Variants in ZNF326 observed in about 807,000 individuals in gnomAD.
The protein encoded by ZNF326 is zinc finger protein 326, also known as DBIRD complex subunit ZNF326.
In ZNF326, 30 loss-of-function variants were observed where a neutral mutation model predicts 63.1. That is an observed-to-expected ratio of 0.48 (90% CI 0.36 to 0.64). ZNF326 has a LOEUF of 0.64. ZNF326 is among the 30% of genes least tolerant of loss of function. The probability of loss-of-function intolerance (pLI) is 0.00; values close to 1 mark genes in which losing one functional copy is unlikely to be tolerated. For synonymous variants in ZNF326, 194 were observed against 228.2 expected, an observed-to-expected ratio of 0.85 and a Z score of 1.35; for missense variants, 609 against 720.3, an observed-to-expected ratio of 0.85 and a Z score of 1.77.
chr1:90,007,704 A>C lies in ZNF326; in HGVS notation c.569A>C (p.Tyr190Ser), dbSNP rs772325997. The C allele has an allele frequency of 6.6e-7, 1 of 1,516,984 alleles. No individual in the cohort carries two copies. The highest frequency in any genetic ancestry group is 2.3e-5 in the Admixed American group (1 of 44,304). The allele number at this position is 1,516,984 out of a possible 1,614,324, so 94.0% of individuals were successfully genotyped here. The stretch of plus-strand genomic sequence containing the variant: ...GAAAGTACGTTTGGAAGCAGAAACT[A>C]TGATGCTTTTGGAGGACCATCAACA... ...YPESTFGSRN[Y>S]DAFGGPSTGR... The change falls in exon 5 of 12, where the codon TAT becomes TCT. Residue 190 changes from tyrosine (Y) to serine (S), a missense_variant. Coordinates refer to ENST00000340281, the MANE Select transcript of ZNF326 (RefSeq NM_182976.4). The surrounding 1 kb of genome is among the most constrained non-coding windows in gnomAD (Gnocchi z 4.9).
chr1:89,995,540 A>C (rs539493198), intron 1 of ZNF326, among the ~76,000 whole-genome samples: 52 of 152,332 alleles, frequency 3.4e-4, no homozygotes, highest in African/African-American at 1.2e-3. Context: ...TCCGGGCTGG[A>C]GCCCCAGACT....
In ZNF326 at chr1:90,005,157, G is replaced by T; in HGVS notation, c.122G>T (p.Gly41Val). Residue 41 changes from glycine (G) to valine (V), a missense_variant, in exon 4 of 12, where the codon GGA becomes GTA. Gly to Val is a moderately radical substitution (Grantham distance 109, BLOSUM62 -3). This residue lies in a region of ZNF326 where 97 missense variants were observed against 88.7 expected (regional missense o/e 1.09). Coordinates refer to ENST00000340281, the MANE Select transcript of ZNF326 (RefSeq NM_182976.4). ...GGGATGGATCGTGACTATGGCCATG[G>T]ATCCTATGGGGGTCAGAGATCCATG... ...YGGMDRDYGH[G>V]SYGGQRSMDS... is the part of the protein sequence containing the mutation. 6.2e-7 allele frequency: 1 copy of T among 1,613,926 alleles called. No homozygotes were observed. Among genetic ancestry groups the T allele is most frequent in the Non-Finnish European group, 8.5e-7 (1 of 1,179,946 alleles).
At chr1:90,014,332 A>G (rs959098918) in intron 7 of ZNF326, among the ~76,000 whole-genome samples, 13 of 152,330 alleles carry the variant, frequency 8.5e-5, no homozygotes, top group South Asian at 6.2e-4. Flanking sequence ...GAAATGATTA[A>G]TGTCCAAGTT....
chr1:90,022,777 A>T (rs567798108), intron 11 of ZNF326, among the ~76,000 whole-genome samples: 1 of 152,358 alleles, frequency 6.6e-6, no homozygotes, highest in African/African-American at 2.4e-5. Flanking sequence ...CACATGGCAT[A>T]GAACAGACTA....
chr1:90,027,522 G>A lies in ZNF326; in HGVS notation c.1570G>A (p.Val524Met). Residue 524 changes from valine to methionine, a missense_variant, in exon 12 of 12, where the codon GTG becomes ATG. Val to Met is a conservative substitution (Grantham distance 21). Transcript: ENST00000340281. ...AGAGGAAGTGGAAGAAGTAGAGGAA[G>A]TGAGAGAAGGAGGAATAGAGGGCGA... ...EVEEVEEVEE[V>M]REGGIEGEGN... The A allele has an allele frequency of 6.2e-7, 1 of 1,611,908 alleles. No homozygotes were observed.
chr1:90,019,363 T>C (rs1233826803), intron 9 of ZNF326, among the ~76,000 whole-genome samples: 1 of 152,212 alleles, frequency 6.6e-6, no homozygotes, highest in African/African-American at 2.4e-5. Flanking sequence ...TTAAGCTAAT[T>C]AAACAACTTT....
At chr1:89,998,081 A>T (rs572241019) in intron 1 of ZNF326, 29 bp from the exon 2 acceptor site, 104 of 1,602,936 alleles carry the variant, frequency 6.5e-5, no homozygotes, top group Admixed American at 8.6e-5. Flanking sequence ...TATCACACTA[A>T]TTCCTTTTTG....
rs765100274 is a variant in ZNF326, at chr1:90,020,877, A to G, written c.1260A>G (p.Ser420=). 1.2e-6 allele frequency: 2 copies of G among 1,613,248 alleles called. No individual in the cohort carries two copies. The highest frequency in any genetic ancestry group is 2.2e-5 in the South Asian group (2 of 91,026). Reference sequence around the variant, plus strand: ...TTTATATCCCTGCTTTACATAGTTCAGTTCAGCAGCACTTAAAATCTCCTG... The same window carrying G: ...TTTATATCCCTGCTTTACATAGTTCGGTTCAGCAGCACTTAAAATCTCCTG... ...CSVYIPALHS[S]VQQHLKSPDH... Residue 420 remains serine, a synonymous_variant, in exon 10 of 12, where the codon TCA becomes TCG. Transcript: ENST00000340281.
At position 90,013,141 on chromosome 1, in the gene ZNF326, A is replaced by G. The variant is rs1364680996; in HGVS notation, c.830A>G (p.Lys277Arg). The change falls in exon 7 of 12, where the codon AAA (lysine) becomes AGA (arginine). Residue 277 changes from lysine (K) to arginine (R), a missense_variant. Physicochemically the swap from Lys to Arg is conservative, Grantham distance 26 (BLOSUM62 2). Around this residue, in one of 3 missense-constraint regions of ZNF326, gnomAD observed 399 missense variants for 444.3 expected, o/e 0.90. Coordinates refer to ENST00000340281, the MANE Select transcript of ZNF326 (RefSeq NM_182976.4). ...AATATCCTAGCAAAAACTGATCCTA[A>G]AAATGAAGAGGAAGAAAAGCGGCGA... is the stretch of plus-strand genomic sequence containing the variant. ...LSKSPTKTDP[K>R]NEEEEKRRIE... 1.2e-6 allele frequency: 2 copies of G among 1,610,928 alleles called. No individual in the cohort carries two copies. The highest frequency in any genetic ancestry group is 2.7e-5 in the African/African-American group (2 of 74,648).
Position 89,995,140 on chromosome 1 carries a change from G to A in ZNF326, c.-118G>A. 2 of 1,297,144 alleles carry A rather than the reference G, an allele frequency of 1.5e-6. No individual in the cohort carries two copies. Among genetic ancestry groups the A allele is most frequent in the Non-Finnish European group, 2.1e-6 (2 of 950,250 alleles). 80.4% of individuals were successfully genotyped at this position (1,297,144 alleles called of 1,614,324 possible). ...CGCTGTGGCCTGCGGCTCCCGGGCT[G>A]GTAGCGCGCCGCTCTCGGTCGCGCG... On this transcript the variant is annotated 5_prime_UTR_variant, in exon 1 of 12. Transcript: ENST00000340281.
At chr1:90,001,678 T>A (rs1300302563) in intron 2 of ZNF326, among the ~76,000 whole-genome samples, 1 of 151,872 alleles carries the variant, frequency 6.6e-6, no homozygotes, top group Non-Finnish European at 1.5e-5. Context: ...CTCAGCCTCC[T>A]GAGTAGCTGG....
rs1180875269 is a variant in ZNF326 at position 90,007,757 on chromosome 1, A to G, written c.615+7A>G. 6.7e-7 allele frequency: 1 copy of G among 1,495,754 alleles called. No individual in the cohort carries two copies. Among genetic ancestry groups the G allele is most frequent in the Admixed American group, 2.3e-5 (1 of 42,970 alleles). The allele number at this position is 1,495,754 out of a possible 1,614,324, so 92.7% of individuals were successfully genotyped here. ...CAGAGGCCGAGGCCGAGGAGTAAGT[A>G]CAACAGAATCTTTTCAGATTCTTTT... On this transcript the variant is annotated splice_region_variant and intron_variant, in intron 5 of 11. Coordinates refer to ENST00000340281, the MANE Select transcript of ZNF326 (RefSeq NM_182976.4). The surrounding 1 kb of genome is among the most constrained non-coding windows in gnomAD (Gnocchi z 4.9).
At chr1:90,027,263 A>G (rs968202772) in intron 11 of ZNF326, 91 bp from the exon 12 acceptor site, 4 of 1,224,578 alleles carry the variant, frequency 3.3e-6, no homozygotes, top group Non-Finnish European at 4.6e-6. Context: ...AATGGCATTT[A>G]TTTCTCATGA....
chr1:90,027,309 A>AAT, intron 11 of ZNF326, 45 bp from the exon 12 acceptor site: 1 of 1,575,280 alleles, frequency 6.3e-7, no homozygotes, highest in Non-Finnish European at 8.7e-7. Context: ...CAGATCATGT[A>AAT]ATAATGAATG....
rs529774957 is a variant in ZNF326, at chr1:90,003,839, G to A, written c.62-1164G>A. Reference sequence around the variant, plus strand: ...TCAGGTTGCTACCAGGTTTAAAGTTGGATGACTTTGAGTACTATTTTTATA... The same window carrying A: ...TCAGGTTGCTACCAGGTTTAAAGTTAGATGACTTTGAGTACTATTTTTATA... On this transcript the variant is annotated intron_variant, in intron 2 of 11. Transcript: ENST00000340281. 3.9e-5 allele frequency among the ~76,000 whole-genome samples: 6 copies of A among 152,166 alleles called. No homozygotes were observed. The East Asian group carries it at 7.7e-4, about 20-fold the overall frequency.
At position 90,029,327 on chromosome 1, in the gene ZNF326, C is replaced by G. The variant is rs947997408; in HGVS notation, c.*1626C>G. Reference sequence around the variant, plus strand: ...TGAACTAGGTTTGCCTAGCTTTAAGCTAGCAATATCTGATAGATACTTGCA... The same window carrying G: ...TGAACTAGGTTTGCCTAGCTTTAAGGTAGCAATATCTGATAGATACTTGCA... On this transcript the variant is annotated 3_prime_UTR_variant, in exon 12 of 12. Transcript: ENST00000340281. The G allele has an allele frequency of 6.6e-6, 1 of 151,142 alleles. No individual in the cohort carries two copies. The highest frequency in any genetic ancestry group is 2.4e-5 in the African/African-American group (1 of 41,104). The allele number at this position is 151,142 out of a possible 1,614,324, so 9.4% of individuals were successfully genotyped here. A position where few individuals can be genotyped will look rare whatever the true frequency, so the allele number is the denominator to read the frequency against.
chr1:90,033,117 T>C lies in ZNF326; in HGVS notation c.*5416T>C, dbSNP rs1280832224. ...GAAAATAAACTCCAGATAATGATAC[T>C]GAGAAATTTATTGGTTGGAAAACTG... On this transcript the variant is annotated 3_prime_UTR_variant, in exon 12 of 12. Transcript: ENST00000340281. 1.3e-5 allele frequency: 2 copies of C among 152,170 alleles called. No homozygotes were observed. 9.4% of individuals were successfully genotyped at this position (152,170 alleles called of 1,614,324 possible). A position where few individuals can be genotyped will look rare whatever the true frequency, so the allele number is the denominator to read the frequency against.
At position 90,031,628 on chromosome 1, in the gene ZNF326, C is replaced by T. The variant is rs1049462563; in HGVS notation, c.*3927C>T. The T allele has an allele frequency of 6.6e-6, 1 of 151,552 alleles. No individual in the cohort carries two copies. The highest frequency in any genetic ancestry group is 2.4e-5 in the African/African-American group (1 of 41,180). The allele number at this position is 151,552 out of a possible 1,614,324, so 9.4% of individuals were successfully genotyped here. A position where few individuals can be genotyped will look rare whatever the true frequency, so the allele number is the denominator to read the frequency against. The stretch of plus-strand genomic sequence containing the variant: ...CTGGAGTTCAGTGGCACTATCTCAG[C>T]TCACTGCAATCTCTGCTTCCTGGGT... On this transcript the variant is annotated 3_prime_UTR_variant, in exon 12 of 12. Coordinates refer to ENST00000340281, the MANE Select transcript of ZNF326 (RefSeq NM_182976.4).
At position 90,010,302 on chromosome 1, in the gene ZNF326, T is replaced by C; in HGVS notation, c.814+16T>C. 6 of 1,609,088 alleles carry C rather than the reference T, an allele frequency of 3.7e-6. No individual in the cohort carries two copies. The highest frequency in any genetic ancestry group is 5.1e-6 in the Non-Finnish European group (6 of 1,177,940). On this transcript the variant is annotated intron_variant, in intron 6 of 11. Transcript: ENST00000340281. Reference sequence around the variant, plus strand: ...AAATCACCCAGTAAGTAAGAAAACATAATTGCTATGATTCAGGATACTTTT... The same window carrying C: ...AAATCACCCAGTAAGTAAGAAAACACAATTGCTATGATTCAGGATACTTTT...
Sources: allele counts gnomAD v4.1 joint callset (sites outside exome capture counted in the v4.1 genomes callset), GRCh38; gene constraint gnomAD v4.1.1; regional missense constraint gnomAD v4.1.1; non-coding constraint Gnocchi (gnomAD v3.1); transcripts MANE v1.5; gene names NCBI Gene and HGNC (gene_info 2026-07-23, HGNC 2026-07-21).